The following EXOC6B variants were observed in gnomAD, a reference collection of about 807,000 sequenced individuals.
EXOC6B encodes the protein SEC15 homolog B.
Under a neutral mutation model 113.5 loss-of-function variants are expected in EXOC6B, and 54 were observed. The observed-to-expected ratio is 0.48, with a 90% CI of 0.38 to 0.60. The LOEUF (loss-of-function observed/expected upper bound fraction) is 0.60, where lower values mean the gene tolerates loss of function less well. EXOC6B is among the 20% of genes least tolerant of loss of function. The probability of loss-of-function intolerance (pLI) is 0.00; values close to 1 mark genes in which losing one functional copy is unlikely to be tolerated. For synonymous variants in EXOC6B, 357 were observed against 339.0 expected, an observed-to-expected ratio of 1.05 and a Z score of -0.58; for missense variants, 797 against 977.5, an observed-to-expected ratio of 0.82 and a Z score of 2.46.
intron 6 of EXOC6B, among the ~76,000 whole-genome samples, chr2:72,612,484 G>A (rs1345963555): frequency 1.3e-5 from 2 of 151,730 alleles, no homozygotes; most frequent in Admixed American, 6.6e-5. Flanking sequence ...AAGTGGCAGT[G>A]CGCTTAAGTA....
intron 18 of EXOC6B, among the ~76,000 whole-genome samples, chr2:72,403,666 A>G (rs1693501151): frequency 6.6e-6 from 1 of 152,208 alleles, no homozygotes; most frequent in Non-Finnish European, 1.5e-5. Flanking sequence ...TGTACTGCCC[A>G]CTACAGTCCA....
intron 20 of EXOC6B, among the ~76,000 whole-genome samples, chr2:72,303,108 G>T (rs1255987396): frequency 2.0e-5 from 3 of 152,114 alleles, no homozygotes; most frequent in Non-Finnish European, 4.4e-5. Flanking sequence ...GAAATTCTTG[G>T]TTGAAGTTTT....
intron 9 of EXOC6B, 38 bp downstream of exon 9, chr2:72,515,005 A>C: frequency 6.5e-7 from 1 of 1,534,938 alleles, no homozygotes; most frequent in Admixed American, 1.9e-5. Flanking sequence ...CAAGGAGGAA[A>C]AGTAAAAATG....
chr2:72,352,386 A>G, intron 19 of EXOC6B, among the ~76,000 whole-genome samples: 1 of 152,196 alleles, frequency 6.6e-6, no homozygotes, highest in East Asian at 1.9e-4. Flanking sequence ...TTGGAACGTC[A>G]GGTTTTCTAA....
intron 18 of EXOC6B, among the ~76,000 whole-genome samples, chr2:72,416,485 C>A (rs1387125454): frequency 6.6e-6 from 1 of 152,112 alleles, no homozygotes; most frequent in Non-Finnish European, 1.5e-5. Flanking sequence ...CACATATCTC[C>A]AAATTGGAAA....
Position 72,439,688 on chromosome 2 carries a change from G to A in EXOC6B, c.1980+25472C>T, listed in dbSNP as rs377404842. Among the ~76,000 whole-genome samples, 27 of 152,224 alleles carry A rather than the reference G, an allele frequency of 1.8e-4. 2 individuals are homozygous for A. Among genetic ancestry groups the A allele is most frequent in the African/African-American group, 4.8e-4 (20 of 41,540 alleles). On this transcript the variant is annotated intron_variant, in intron 18 of 21. Coordinates refer to ENST00000272427, the MANE Select transcript of EXOC6B (RefSeq NM_015189.3). ...GTACTCCTTTAGCTCAGTGAAGTTC[G>A]TTTTTATCCAAATTCTGAATTCTAC...
intron 1 of EXOC6B, among the ~76,000 whole-genome samples, chr2:72,761,178 C>CA (rs901390467): frequency 2.1e-4 from 30 of 146,144 alleles, no homozygotes; most frequent in African/African-American, 5.8e-4. Flanking sequence ...GACTCTGTCT[C>CA]AAAAAAAAAA....
chr2:72,549,749 A>G (rs1703107860), intron 8 of EXOC6B, among the ~76,000 whole-genome samples: 1 of 152,222 alleles, frequency 6.6e-6, no homozygotes, highest in Non-Finnish European at 1.5e-5. Context: ...AGAGTATATC[A>G]TTCAAGAAAG....
intron 8 of EXOC6B, among the ~76,000 whole-genome samples, chr2:72,521,130 C>G (rs1284266311): frequency 6.6e-6 from 1 of 152,108 alleles, no homozygotes; most frequent in Admixed American, 6.5e-5. Context: ...AATTGGGACC[C>G]TATAAAACAG....
intron 19 of EXOC6B, among the ~76,000 whole-genome samples, chr2:72,362,778 A>G (rs1690400164): frequency 6.6e-6 from 1 of 152,152 alleles, no homozygotes; most frequent in South Asian, 2.1e-4. Context: ...TCACCCTCCT[A>G]TTTAAAATCC....
At chr2:72,658,928 G>T (rs776499659) in intron 6 of EXOC6B, among the ~76,000 whole-genome samples, 5 of 151,960 alleles carry the variant, frequency 3.3e-5, no homozygotes, top group Non-Finnish European at 5.9e-5. Context: ...AGAAAATTCA[G>T]AGTAAAGCAC....
At chr2:72,737,968 A>G (rs1193357961) in intron 2 of EXOC6B, among the ~76,000 whole-genome samples, 1 of 152,176 alleles carries the variant, frequency 6.6e-6, no homozygotes, top group Non-Finnish European at 1.5e-5. Flanking sequence ...TATTTGTAAT[A>G]TATCCTAATA....
intron 19 of EXOC6B, among the ~76,000 whole-genome samples, chr2:72,371,358 T>A (rs1239162810): frequency 6.6e-6 from 1 of 152,178 alleles, no homozygotes; most frequent in Non-Finnish European, 1.5e-5. Flanking sequence ...AGTATTACCC[T>A]GATACTAAAA....
intron 6 of EXOC6B, among the ~76,000 whole-genome samples, chr2:72,713,217 A>G (rs1475038898): frequency 6.6e-6 from 1 of 152,186 alleles, no homozygotes; most frequent in Non-Finnish European, 1.5e-5. Context: ...AACTCAGGAC[A>G]CATTGGGTAG....
chr2:72,796,366 T>G (rs1375293615), intron 1 of EXOC6B, among the ~76,000 whole-genome samples: 3 of 150,132 alleles, frequency 2.0e-5, no homozygotes, highest in Non-Finnish European at 3.0e-5. Flanking sequence ...GGCAGGAGAA[T>G]CATTTGAACC....
rs746283208 is a variant in EXOC6B, at chr2:72,184,194, A to T, written c.2197-7T>A. 6.6e-7 allele frequency: 1 copy of T among 1,505,428 alleles called. No individual in the cohort carries two copies. Among genetic ancestry groups the T allele is most frequent in the African/African-American group, 1.4e-5 (1 of 72,136 alleles). The allele number at this position is 1,505,428 out of a possible 1,614,324, so 93.3% of individuals were successfully genotyped here. On this transcript the variant is annotated splice_polypyrimidine_tract_variant and splice_region_variant and intron_variant, in intron 20 of 21. Coordinates refer to ENST00000272427, the MANE Select transcript of EXOC6B (RefSeq NM_015189.3). ...GGATGAAAAGATCCAAAAGCTGTAA[A>T]ATATCCAAACCCCACCCCAGGGATT...
At chr2:72,222,592 C>T (rs1485096932) in intron 20 of EXOC6B, among the ~76,000 whole-genome samples, 1 of 152,086 alleles carries the variant, frequency 6.6e-6, no homozygotes, top group Admixed American at 6.6e-5. Context: ...AACCTTTCTT[C>T]TTATGATACA....
chr2:72,388,812 T>TA (rs1692208000), intron 18 of EXOC6B, among the ~76,000 whole-genome samples: 3 of 152,160 alleles, frequency 2.0e-5, no homozygotes, highest in Non-Finnish European at 4.4e-5. Context: ...TGTCAATTTT[T>TA]ATCCCTAGAA....
rs560660829 is a variant in EXOC6B, at chr2:72,505,099, T to A, written c.1168-5127A>T. On this transcript the variant is annotated intron_variant, in intron 11 of 21. Coordinates refer to ENST00000272427, the MANE Select transcript of EXOC6B (RefSeq NM_015189.3). ...CTTATAATTTTATTGTAGTTTGATG[T>A]TTTGTGTCTGAATCTTTTCCTTTAT... 3.3e-5 allele frequency among the ~76,000 whole-genome samples: 5 copies of A among 152,290 alleles called. No homozygotes were observed. The South Asian group carries it at 1.0e-3, about 32-fold the overall frequency.
Sources: gnomAD v4.1 joint callset for allele counts (sites outside exome capture counted in the v4.1 genomes callset) on GRCh38, gnomAD v4.1.1 for gene constraint, MANE v1.5 for transcripts, NCBI Gene and HGNC (gene_info 2026-07-23, HGNC 2026-07-21) for gene names.